The following SYNPO variants were observed in gnomAD, a reference collection of about 807,000 sequenced individuals.
SYNPO encodes the protein synaptopodin.
Under a neutral mutation model 49.5 loss-of-function variants are expected in SYNPO, and 19 were observed. The observed-to-expected ratio is 0.38, with a 90% CI of 0.27 to 0.56. The LOEUF (loss-of-function observed/expected upper bound fraction) is 0.56. Ranked by LOEUF, SYNPO falls within the 20% of genes least tolerant of loss-of-function variation. The pLI, the probability that SYNPO is intolerant of heterozygous loss-of-function variation, is 0.68. For synonymous variants in SYNPO, 536 were observed against 548.0 expected, an observed-to-expected ratio of 0.98 and a Z score of 0.31; for missense variants, 1,131 against 1,248.3, an observed-to-expected ratio of 0.91 and a Z score of 1.42.
At chr5:150,624,457 G>A (rs2151377496) in intron 2 of SYNPO, among the ~76,000 whole-genome samples, 1 of 152,306 alleles carries the variant, frequency 6.6e-6, no homozygotes, top group East Asian at 1.9e-4. Flanking sequence ...AGGATTTTAG[G>A]ACAGACCGAC....
At chr5:150,650,788 C>A (rs1758350086) in intron 2 of SYNPO, 2 of 1,289,198 alleles carry the variant, frequency 1.6e-6, no homozygotes, top group East Asian at 2.9e-5. Flanking sequence ...CCCAGGGGGG[C>A]CTCCCTCCTG....
intron 1 of SYNPO, among the ~76,000 whole-genome samples, chr5:150,610,889 G>A (rs866577239): frequency 6.6e-6 from 1 of 152,164 alleles, no homozygotes; most frequent in Non-Finnish European, 1.5e-5. Context: ...GAATAGGAAG[G>A]TTCTAAAATG....
intron 2 of SYNPO, among the ~76,000 whole-genome samples, chr5:150,629,993 A>G (rs1757486043): frequency 6.6e-6 from 1 of 152,130 alleles, no homozygotes; most frequent in South Asian, 2.1e-4. Context: ...CCTATCCCAG[A>G]ACAGACAGCA....
rs1758646160 is a variant in SYNPO, at chr5:150,658,327, T to G, written c.*1240T>G. ...TCTGGTCCCCTTGGAAATGTCCCCTTCTTCAGTGTCAGACCTCAGTCCCAG... is the reference window on the plus strand; with the variant it reads ...TCTGGTCCCCTTGGAAATGTCCCCTGCTTCAGTGTCAGACCTCAGTCCCAG... On this transcript the variant is annotated 3_prime_UTR_variant, in exon 3 of 3. Transcript: ENST00000307662. The G allele has an allele frequency of 6.6e-6, 1 of 152,342 alleles. No individual in the cohort carries two copies. The highest frequency in any genetic ancestry group is 1.5e-5 in the Non-Finnish European group (1 of 68,086). The allele number at this position is 152,342 out of a possible 1,614,324, so 9.4% of individuals were successfully genotyped here.
chr5:150,631,992 T>A (rs1057144251), intron 2 of SYNPO, among the ~76,000 whole-genome samples: 3 of 152,142 alleles, frequency 2.0e-5, no homozygotes, highest in African/African-American at 7.2e-5. Context: ...TTCCACTGCC[T>A]GTAACGGCTG....
chr5:150,607,054 T>G (rs1561631858), intron 1 of SYNPO, among the ~76,000 whole-genome samples: 1 of 152,072 alleles, frequency 6.6e-6, no homozygotes, highest in Non-Finnish European at 1.5e-5. Context: ...AGGGGGTTAT[T>G]ATCTTTTGAT....
chr5:150,649,823 TTCC>T lies in SYNPO; in HGVS notation c.1553_1555del (p.Ser518del), dbSNP rs1409199540. The T allele has an allele frequency of 6.2e-7, 1 of 1,609,970 alleles. No homozygotes were observed. The highest frequency in any genetic ancestry group is 8.5e-7 in the Non-Finnish European group (1 of 1,180,004). Reference sequence around the variant, plus strand: ...GCCCATCACCTACCATGTCCCTGCCTTCCTCCTGGAAATACCCCACTAACGCCC... The same window carrying T: ...GCCCATCACCTACCATGTCCCTGCCTTCCTGGAAATACCCCACTAACGCCC... On this transcript the variant is annotated inframe_deletion, in exon 2 of 3. Transcript: ENST00000307662.
In SYNPO at chr5:150,609,076, A is replaced by G. The variant is rs561352224; in HGVS notation, c.-266+7888A>G. On this transcript the variant is annotated intron_variant, in intron 1 of 2. Transcript: ENST00000394243. ...AACAACTTGCTCTCTGGAGAAAAAA[A>G]AGCTTTGATTTGTAGCACCTGCCAG... is the stretch of plus-strand genomic sequence containing the variant. Among the ~76,000 whole-genome samples, 146 of 152,290 alleles carry G rather than the reference A, an allele frequency of 9.6e-4. 2 individuals are homozygous for G. The highest frequency in any genetic ancestry group is 3.4e-3 in the African/African-American group (140 of 41,544).
chr5:150,656,583 G>A lies in SYNPO; in HGVS notation c.2208G>A (p.Ser736=). The A allele has an allele frequency of 1.3e-6, 2 of 1,520,580 alleles. No individual in the cohort carries two copies. The highest frequency in any genetic ancestry group is 1.8e-6 in the Non-Finnish European group (2 of 1,141,482). 94.2% of individuals were successfully genotyped at this position (1,520,580 alleles called of 1,614,324 possible). ...PPMSPSWSER[S]VSPLRPETEA... ...TGTCTCCCTCGTGGAGCGAGCGCTCGGTGTCCCCGCTGCGACCTGAGACCG... is the reference window on the plus strand; with the variant it reads ...TGTCTCCCTCGTGGAGCGAGCGCTCAGTGTCCCCGCTGCGACCTGAGACCG... The change falls in exon 3 of 3, where the codon TCG becomes TCA. Residue 736 remains serine (S), a synonymous_variant. Transcript: ENST00000307662.
chr5:150,605,466 T>G (rs1328882876), intron 1 of SYNPO, among the ~76,000 whole-genome samples: 1 of 150,014 alleles, frequency 6.7e-6, no homozygotes, highest in Non-Finnish European at 1.5e-5. Flanking sequence ...GTGGGATCAA[T>G]GTGGCAACAA....
intron 2 of SYNPO, among the ~76,000 whole-genome samples, chr5:150,622,537 G>T (rs1034049956): frequency 6.6e-6 from 1 of 152,230 alleles, no homozygotes; most frequent in Non-Finnish European, 1.5e-5. Flanking sequence ...GTGTGTAGCA[G>T]ATTTAGAGCC....
intron 1 of SYNPO, among the ~76,000 whole-genome samples, chr5:150,613,835 GC>G (rs1476129959): frequency 1.3e-5 from 2 of 152,168 alleles, no homozygotes; most frequent in Non-Finnish European, 2.9e-5. Context: ...AGGACCCCAT[GC>G]CCTGACTTCT....
At chr5:150,640,474 G>A (rs1447564500), upstream of SYNPO, among the ~76,000 whole-genome samples, 1 of 152,198 alleles carries the variant, frequency 6.6e-6, no homozygotes, top group African/African-American at 2.4e-5. Context: ...TGAATGCCAG[G>A]ATGAGGACTC....
At chr5:150,650,804 C>G (rs773004943) in intron 2 of SYNPO, 103 of 1,288,076 alleles carry the variant, frequency 8.0e-5, no homozygotes, top group Non-Finnish European at 9.8e-5. Flanking sequence ...TCCTGAGGCT[C>G]AAGCTCCTGG....
At chr5:150,630,202 G>A (rs984515753) in intron 2 of SYNPO, among the ~76,000 whole-genome samples, 7 of 152,310 alleles carry the variant, frequency 4.6e-5, no homozygotes, top group Middle Eastern at 3.4e-3. Flanking sequence ...ATGAGTGGGC[G>A]TTGTTAGTGC....
At chr5:150,621,202 C>T (rs1287537270) in intron 2 of SYNPO, among the ~76,000 whole-genome samples, 1 of 152,152 alleles carries the variant, frequency 6.6e-6, no homozygotes, top group Non-Finnish European at 1.5e-5. Flanking sequence ...GTCTGCCTGC[C>T]TCGGCCTCCC....
chr5:150,656,714 C>G lies in SYNPO; in HGVS notation c.2339C>G (p.Pro780Arg), dbSNP rs1018742648. The change falls in exon 3 of 3, where the codon CCG becomes CGG. Residue 780 changes from proline to arginine, a missense_variant. Transcript: ENST00000307662. ...CCGCGGTCGGCGGGCGCCGAGAACCCGCGGCCCTTCTCCCCGCCGAGGGCG... is the reference window on the plus strand; with the variant it reads ...CCGCGGTCGGCGGGCGCCGAGAACCGGCGGCCCTTCTCCCCGCCGAGGGCG... ...ASPRSAGAEN[P>R]RPFSPPRAPP... 9.2e-6 allele frequency: 13 copies of G among 1,414,880 alleles called. No homozygotes were observed. In the African/African-American group the frequency reaches 1.6e-4, roughly 18 times the overall value. 87.6% of individuals were successfully genotyped at this position (1,414,880 alleles called of 1,614,324 possible).
intron 1 of SYNPO, among the ~76,000 whole-genome samples, chr5:150,615,630 A>C (rs895141071): frequency 5.3e-5 from 8 of 152,254 alleles, no homozygotes; most frequent in Admixed American, 2.0e-4. Flanking sequence ...CCCAGTTCAC[A>C]GTCCTGTCTC....
At chr5:150,647,244 CA>C (rs34332479) in intron 1 of SYNPO, among the ~76,000 whole-genome samples, 8,211 of 85,606 alleles carry the variant, frequency 0.096, 526 homozygotes, top group East Asian at 0.22. Context: ...AACTCCTTCT[CA>C]AAAAAAAAAA....
Sources: allele counts gnomAD v4.1 joint callset (sites outside exome capture counted in the v4.1 genomes callset), GRCh38; gene constraint gnomAD v4.1.1; transcripts MANE v1.5; gene names NCBI Gene and HGNC (gene_info 2026-07-23, HGNC 2026-07-21).